Variants in FOXO1 observed in about 807,000 individuals in gnomAD.
FOXO1 encodes forkhead box O1, also known as forkhead box protein O1.
FOXO1 carries 6 observed loss-of-function variants against 44.1 expected under a neutral mutation model. The ratio of observed to expected loss-of-function variants is 0.14; its 90% confidence interval spans 0.07 to 0.27. The LOEUF (loss-of-function observed/expected upper bound fraction) is 0.27, where lower values mean the gene tolerates loss of function less well. Ranked by LOEUF, FOXO1 falls within the 10% of genes least tolerant of loss-of-function variation. FOXO1 has a pLI of 1.00. For missense variants in FOXO1, 737 were observed against 888.8 expected, an observed-to-expected ratio of 0.83 and a Z score of 2.17; for synonymous variants, 380 against 362.7, an observed-to-expected ratio of 1.05 and a Z score of -0.54.
intron 1 of FOXO1, among the ~76,000 whole-genome samples, chr13:40,603,773 C>A (rs912787026): frequency 6.6e-6 from 1 of 152,190 alleles, no homozygotes. Flanking sequence ...AGGGGTTCAA[C>A]TTAGTTTTTC....
rs140386357 is a variant in FOXO1 at position 40,560,022 on chromosome 13, C to A, written c.1469G>T (p.Arg490Leu). Residue 490 changes from arginine (R) to leucine (L), a missense_variant, in exon 2 of 3, where the codon CGG becomes CTG. By Grantham distance (102) the Arg-to-Leu change is moderately radical (BLOSUM62 -2). This residue lies in a region of FOXO1 where 283 missense variants were observed against 278.1 expected (regional missense o/e 1.02). Coordinates refer to ENST00000379561, the MANE Select transcript of FOXO1 (RefSeq NM_002015.4). This position sits in a 1 kb window ranked among gnomAD's most constrained non-coding sequence, Gnocchi z 5.1. ...CATCATGACGTTCTGGCCCAGAACC[C>A]GGCTGTTGGGCTGGGCTACCCCAGG... ...VDPGVAQPNS[R>L]VLGQNVMMGP... 6.8e-6 allele frequency: 11 copies of A among 1,613,806 alleles called. No individual in the cohort carries two copies. In the African/African-American group the frequency reaches 1.3e-4, roughly 20 times the overall value.
At position 40,556,940 on chromosome 13, in the gene FOXO1, GC is replaced by G. The variant is rs1217152921; in HGVS notation, c.*2108del. On this transcript the variant is annotated 3_prime_UTR_variant, in exon 3 of 3. Transcript: ENST00000379561. ...TTCAGTTACATACCCGGGAGGCTGT[GC>G]TTAGAGGAACTTGGGTTTCTAAAAC... 1 of 152,162 alleles carries G rather than the reference GC, an allele frequency of 6.6e-6. No individual in the cohort carries two copies. Among genetic ancestry groups the G allele is most frequent in the African/African-American group, 2.4e-5 (1 of 41,440 alleles). 9.4% of individuals were successfully genotyped at this position (152,162 alleles called of 1,614,324 possible). A position where few individuals can be genotyped will look rare whatever the true frequency, so the allele number is the denominator to read the frequency against.
intron 1 of FOXO1, among the ~76,000 whole-genome samples, chr13:40,615,355 GGT>G (rs1876384032): frequency 1.3e-5 from 2 of 152,218 alleles, no homozygotes; most frequent in East Asian, 3.9e-4. Context: ...TGGCCAACAT[GGT>G]GAAACCCCAT....
At chr13:40,570,813 C>A (rs1874461520) in intron 1 of FOXO1, among the ~76,000 whole-genome samples, 1 of 152,202 alleles carries the variant, frequency 6.6e-6, no homozygotes, top group Non-Finnish European at 1.5e-5. Flanking sequence ...CCATTCAATA[C>A]TATGGGCTCT....
At chr13:40,627,125 G>A (rs1194943021) in intron 1 of FOXO1, among the ~76,000 whole-genome samples, 2 of 152,078 alleles carry the variant, frequency 1.3e-5, no homozygotes, top group African/African-American at 2.4e-5. Flanking sequence ...CCCTATCCAA[G>A]CAATTTTACC....
chr13:40,557,355 A>C lies in FOXO1; in HGVS notation c.*1694T>G, dbSNP rs1268545801. On this transcript the variant is annotated 3_prime_UTR_variant, in exon 3 of 3. Coordinates refer to ENST00000379561, the MANE Select transcript of FOXO1 (RefSeq NM_002015.4). ...TGTCAGTTACAGGTAATTGGAAAGT[A>C]ATAAAACATAATGATAGGAATTACA... The C allele has an allele frequency of 1.3e-5, 2 of 152,244 alleles. No homozygotes were observed. The highest frequency in any genetic ancestry group is 4.8e-5 in the African/African-American group (2 of 41,456). The allele number at this position is 152,244 out of a possible 1,614,324, so 9.4% of individuals were successfully genotyped here.
intron 1 of FOXO1, among the ~76,000 whole-genome samples, chr13:40,631,846 A>G (rs1204176108): frequency 2.0e-5 from 3 of 152,266 alleles, no homozygotes; most frequent in Non-Finnish European, 2.9e-5. Context: ...GATGGTGATT[A>G]CAATGGGTTG....
rs183982241 is a variant in FOXO1 at position 40,590,320 on chromosome 13, A to G, written c.631-29460T>C. On this transcript the variant is annotated intron_variant, in intron 1 of 2. Coordinates refer to ENST00000379561, the MANE Select transcript of FOXO1 (RefSeq NM_002015.4). ...AAACAACACAACAGGAATGTGTACT[A>G]TACTATGGGCCAAATGCCGCAAACA... is the stretch of plus-strand genomic sequence containing the variant. 4.6e-4 allele frequency among the ~76,000 whole-genome samples: 70 copies of G among 152,334 alleles called. No homozygotes were observed. In the East Asian group the frequency reaches 0.011, roughly 23 times the overall value.
At chr13:40,591,816 C>T (rs1875384219) in intron 1 of FOXO1, among the ~76,000 whole-genome samples, 1 of 152,136 alleles carries the variant, frequency 6.6e-6, no homozygotes, top group South Asian at 2.1e-4. Flanking sequence ...ATTCTCATAC[C>T]TCAGCCTCCT....
At chr13:40,617,687 T>C (rs944403518) in intron 1 of FOXO1, among the ~76,000 whole-genome samples, 1 of 151,476 alleles carries the variant, frequency 6.6e-6, no homozygotes, top group African/African-American at 2.4e-5. Flanking sequence ...ATACCAAACA[T>C]GTTGGGGGGA....
At chr13:40,577,807 A>G (rs1874815575) in intron 1 of FOXO1, among the ~76,000 whole-genome samples, 1 of 145,686 alleles carries the variant, frequency 6.9e-6, no homozygotes, top group Non-Finnish European at 1.6e-5. Context: ...AACAGAATGA[A>G]ACAGAATGAA....
At chr13:40,660,948 A>AAACAACAAC (rs138057018) in intron 1 of FOXO1, among the ~76,000 whole-genome samples, 89 of 149,410 alleles carry the variant, frequency 6.0e-4, no homozygotes, top group Non-Finnish European at 2.4e-4. Flanking sequence ...TGGCTCAGAA[A>AAACAACAAC]AACAACAACA....
intron 1 of FOXO1, among the ~76,000 whole-genome samples, chr13:40,582,677 A>G (rs1442752627): frequency 6.6e-6 from 1 of 152,202 alleles, no homozygotes; most frequent in Non-Finnish European, 1.5e-5. Context: ...TCATGAGTTC[A>G]AGTTTTATCA....
At chr13:40,639,508 A>G (rs572779498) in intron 1 of FOXO1, among the ~76,000 whole-genome samples, 1 of 152,402 alleles carries the variant, frequency 6.6e-6, no homozygotes, top group Admixed American at 6.5e-5. Flanking sequence ...TAAGCAACAA[A>G]GGCATTTTCA....
At chr13:40,564,416 G>C (rs953783710) in intron 1 of FOXO1, among the ~76,000 whole-genome samples, 2 of 152,002 alleles carry the variant, frequency 1.3e-5, no homozygotes, top group African/African-American at 2.4e-5. Flanking sequence ...AATTTTTTCC[G>C]AACAGGAAAA....
chr13:40,624,816 C>G (rs1876733856), intron 1 of FOXO1, among the ~76,000 whole-genome samples: 1 of 152,118 alleles, frequency 6.6e-6, no homozygotes, highest in Non-Finnish European at 1.5e-5. Flanking sequence ...ATGAAAATAA[C>G]TGTCTCACTG....
Position 40,560,144 on chromosome 13 carries a change from A to G in FOXO1, c.1347T>C (p.Tyr449=), listed in dbSNP as rs777012971. 1.1e-5 allele frequency: 18 copies of G among 1,614,194 alleles called. No individual in the cohort carries two copies. The highest frequency in any genetic ancestry group is 3.3e-5 in the Admixed American group (2 of 60,018). The part of the protein sequence containing the change: ...IQTLQDNKSS[Y]GGMSQYNCAP... ...CACAGTTATACTGACTCATACCTCC[A>G]TAACTCGACTTATTGTCCTGAAGTG... Residue 449 remains tyrosine, a synonymous_variant, in exon 2 of 3, where the codon TAT becomes TAC. Transcript: ENST00000379561. This position sits in a 1 kb window ranked among gnomAD's most constrained non-coding sequence, Gnocchi z 5.1.
intron 1 of FOXO1, among the ~76,000 whole-genome samples, chr13:40,571,414 T>C (rs1032235516): frequency 7.2e-5 from 11 of 152,134 alleles, no homozygotes; most frequent in African/African-American, 2.7e-4. Flanking sequence ...CTACCAAGGA[T>C]TTCAAAGTGG....
intron 1 of FOXO1, among the ~76,000 whole-genome samples, chr13:40,624,618 C>A (rs1593405134): frequency 6.6e-6 from 1 of 152,062 alleles, no homozygotes; most frequent in Non-Finnish European, 1.5e-5. Flanking sequence ...GGCAACTTGG[C>A]GGGGGGAGGT....
Sources: gnomAD v4.1 joint callset for allele counts (sites outside exome capture counted in the v4.1 genomes callset) on GRCh38, gnomAD v4.1.1 for gene constraint, gnomAD v4.1.1 regional missense constraint, Gnocchi (gnomAD v3.1) non-coding constraint, MANE v1.5 for transcripts, NCBI Gene and HGNC (gene_info 2026-07-23, HGNC 2026-07-21) for gene names.